The following GRM7 variants were observed in gnomAD, a reference collection of about 807,000 sequenced individuals.
GRM7 encodes glutamate metabotropic receptor 7.
A neutral mutation model predicts 84.5 loss-of-function variants in GRM7; 35 were observed. That is an observed-to-expected ratio of 0.41 (90% confidence interval 0.32 to 0.55). GRM7 has a LOEUF of 0.55. GRM7 is among the 20% of genes least tolerant of loss of function. The pLI is 0.19. For synonymous variants in GRM7, 487 were observed against 455.1 expected (o/e 1.07, Z -0.89); for missense variants, 1,003 against 1,194.6 (o/e 0.84, Z 2.36).
chr3:7,587,826 G>C (rs1041237191), intron 8 of GRM7, among the ~76,000 whole-genome samples: 29 of 152,184 alleles, frequency 1.9e-4, no homozygotes, highest in Admixed American at 6.5e-4. Context: ...AGAAGAATGA[G>C]AAGAATCCCT....
chr3:7,032,291 C>T (rs1380528778), intron 1 of GRM7, among the ~76,000 whole-genome samples: 3 of 152,168 alleles, frequency 2.0e-5, no homozygotes, highest in African/African-American at 7.2e-5. Context: ...TCAGCCCAAA[C>T]TGTTCTTATA....
rs73809083 is a variant in GRM7 at position 7,376,237 on chromosome 3, T to C, written c.1034-38786T>C. Among the ~76,000 whole-genome samples the C allele has an allele frequency of 3.1e-3, 470 of 152,294 alleles. 2 individuals are homozygous for C. The highest frequency in any genetic ancestry group is 0.011 in the African/African-American group (448 of 41,568). ...TGTTTCTCACCATGTGGGCCAGACATCTTCATTTCAAACTGGATGTTGCCT... is the reference window on the plus strand; with the variant it reads ...TGTTTCTCACCATGTGGGCCAGACACCTTCATTTCAAACTGGATGTTGCCT... On this transcript the variant is annotated intron_variant, in intron 4 of 9. Coordinates refer to ENST00000357716, the MANE Select transcript of GRM7 (RefSeq NM_000844.4).
chr3:7,333,606 G>A (rs1280338334), intron 4 of GRM7, among the ~76,000 whole-genome samples: 2 of 151,994 alleles, frequency 1.3e-5, no homozygotes, highest in African/African-American at 2.4e-5. Flanking sequence ...TCCAGCAATG[G>A]ATCCAAACCA....
chr3:7,238,186 A>G (rs181810201), intron 2 of GRM7, among the ~76,000 whole-genome samples: 280 of 152,200 alleles, frequency 1.8e-3, no homozygotes, highest in African/African-American at 6.4e-3. Context: ...ATCTTATCCA[A>G]TCTCTTCGGT....
intron 8 of GRM7, among the ~76,000 whole-genome samples, chr3:7,638,586 G>C (rs1223698998): frequency 6.6e-6 from 1 of 152,162 alleles, no homozygotes; most frequent in Non-Finnish European, 1.5e-5. Context: ...ATGAAAAATG[G>C]ATCTAGTGTT....
At chr3:7,382,216 G>A (rs1475498020) in intron 4 of GRM7, among the ~76,000 whole-genome samples, 2 of 151,960 alleles carry the variant, frequency 1.3e-5, no homozygotes, top group South Asian at 2.1e-4. Flanking sequence ...GTTTATTTCT[G>A]TACCAAGTTG....
chr3:7,578,775 A>T lies in GRM7; in HGVS notation c.1869A>T (p.Ala623=), dbSNP rs1427108563. ...IRYNDTPIVR[A]SGRELSYVLL... The stretch of plus-strand genomic sequence containing the variant: ...ACAATGACACGCCCATTGTCCGGGC[A>T]TCTGGGCGGGAACTCAGCTATGTTC... Residue 623 remains alanine (A), a synonymous_variant, in exon 8 of 10, where the codon GCA becomes GCT. Transcript: ENST00000357716. 6.2e-7 allele frequency: 1 copy of T among 1,613,946 alleles called. No homozygotes were observed. Among genetic ancestry groups the T allele is most frequent in the East Asian group, 2.2e-5 (1 of 44,868 alleles).
chr3:6,863,125 G>GTTTTT lies in GRM7; in HGVS notation c.519+1224_519+1228dup. The GTTTTT allele has an allele frequency of 6.5e-6, 2 of 305,906 alleles. No homozygotes were observed. Among genetic ancestry groups the GTTTTT allele is most frequent in the Non-Finnish European group, 1.3e-5 (2 of 154,106 alleles). 18.9% of individuals were successfully genotyped at this position (305,906 alleles called of 1,614,324 possible). The stretch of plus-strand genomic sequence containing the variant: ...CTCTTTCTGTCTCTGTCTCCTTGCT[G>GTTTTT]TTTTTTTTTTCTCTCTGTTTTTTCT... On this transcript the variant is annotated intron_variant, in intron 1 of 9. Transcript: ENST00000357716. This position sits in a 1 kb window ranked among gnomAD's most constrained non-coding sequence, Gnocchi z 4.8.
At chr3:6,872,499 A>C (rs1450144951) in intron 1 of GRM7, among the ~76,000 whole-genome samples, 1 of 152,056 alleles carries the variant, frequency 6.6e-6, no homozygotes, top group Non-Finnish European at 1.5e-5. Context: ...GTGCTGGGAT[A>C]CATGTACAGA....
chr3:7,731,821 C>T (rs1702342590), intron 9 of GRM7, among the ~76,000 whole-genome samples: 1 of 152,142 alleles, frequency 6.6e-6, no homozygotes, highest in African/African-American at 2.4e-5. Flanking sequence ...TCGCCAGCGC[C>T]CCCACTCTTG....
intron 1 of GRM7, among the ~76,000 whole-genome samples, chr3:6,935,350 G>C (rs1248820832): frequency 6.6e-6 from 1 of 151,046 alleles, no homozygotes; most frequent in East Asian, 1.9e-4. Context: ...AAGCTGCTAG[G>C]CTTTTTTTTT....
intron 7 of GRM7, among the ~76,000 whole-genome samples, chr3:7,510,780 T>A (rs1419439567): frequency 1.3e-5 from 2 of 152,286 alleles, no homozygotes; most frequent in East Asian, 1.9e-4. Context: ...GACATAAAGA[T>A]TATATGAAAT....
chr3:7,099,303 C>CATGTATTATACATGTATATATGTAT (rs1698976336), intron 1 of GRM7, among the ~76,000 whole-genome samples: 1 of 135,756 alleles, frequency 7.4e-6, no homozygotes, highest in Non-Finnish European at 1.5e-5. Flanking sequence ...TATATATGTA[C>CATGTATTATACATGTATATATGTAT]ACATGTATTA....
rs183588970 is a variant in GRM7, at chr3:7,365,628, C to A, written c.1034-49395C>A. On this transcript the variant is annotated intron_variant, in intron 4 of 9. Coordinates refer to ENST00000357716, the MANE Select transcript of GRM7 (RefSeq NM_000844.4). ...CCATACAGTAGTCTGATTTAATATG[C>A]ATGTGTGTGTGCGTGTGTGTATATA... 9.6e-4 allele frequency among the ~76,000 whole-genome samples: 130 copies of A among 135,614 alleles called. 1 individual carries two copies. The highest frequency in any genetic ancestry group is 3.1e-3 in the African/African-American group (106 of 34,218). The allele number at this position is 135,614 out of a possible 152,430, so 89.0% of individuals were successfully genotyped here.
chr3:7,033,386 T>C (rs548050078), intron 1 of GRM7, among the ~76,000 whole-genome samples: 4 of 152,304 alleles, frequency 2.6e-5, no homozygotes, highest in South Asian at 4.1e-4. Context: ...TTTTGACTTA[T>C]TAAAATATAA....
chr3:7,100,602 C>A (rs542384690), intron 1 of GRM7, among the ~76,000 whole-genome samples: 2 of 151,820 alleles, frequency 1.3e-5, no homozygotes, highest in South Asian at 4.2e-4. Context: ...AATTTCAGTT[C>A]TGTCATTTAT....
chr3:7,262,462 T>C (rs1463239699), intron 2 of GRM7, among the ~76,000 whole-genome samples: 1 of 152,226 alleles, frequency 6.6e-6, no homozygotes. Context: ...TCAGTTACAT[T>C]CTTTTCTATA....
intron 1 of GRM7, among the ~76,000 whole-genome samples, chr3:7,114,722 G>T (rs2125038059): frequency 6.6e-6 from 1 of 152,250 alleles, no homozygotes; most frequent in Non-Finnish European, 1.5e-5. Flanking sequence ...GGAAAGCCTG[G>T]AGTACATAGC....
intron 7 of GRM7, among the ~76,000 whole-genome samples, chr3:7,464,011 G>A (rs1238553819): frequency 1.3e-5 from 2 of 152,142 alleles, no homozygotes; most frequent in Admixed American, 1.3e-4. Flanking sequence ...GCTAGAATAG[G>A]GGAGCTAAGT....
Sources: allele counts gnomAD v4.1 joint callset (sites outside exome capture counted in the v4.1 genomes callset), GRCh38; gene constraint gnomAD v4.1.1; non-coding constraint Gnocchi (gnomAD v3.1); transcripts MANE v1.5; gene names NCBI Gene and HGNC (gene_info 2026-07-23, HGNC 2026-07-21).